The following DPP10 variants were observed in gnomAD, a reference collection of about 807,000 sequenced individuals.
DPP10 encodes the protein inactive dipeptidyl peptidase 10.
DPP10 carries 33 observed loss-of-function variants against 120.9 expected under a neutral mutation model. The ratio of observed to expected loss-of-function variants is 0.27; its 90% CI spans 0.21 to 0.37. DPP10 has a LOEUF of 0.37. Ranked by LOEUF, DPP10 falls within the 10% of genes least tolerant of loss-of-function variation. The pLI, the probability that DPP10 is intolerant of heterozygous loss-of-function variation, is 1.00. For synonymous variants in DPP10, 337 were observed against 326.1 expected, an observed-to-expected ratio of 1.03 and a Z score of -0.36; for missense variants, 816 against 942.8, an observed-to-expected ratio of 0.87 and a Z score of 1.76.
At chr2:114,804,955 G>A (rs571967821) in intron 1 of DPP10, among the ~76,000 whole-genome samples, 1 of 152,134 alleles carries the variant, frequency 6.6e-6, no homozygotes, top group African/African-American at 2.4e-5. Context: ...AATTTGAATT[G>A]TATCTCCCAG....
chr2:115,292,633 T>C (rs978838187), intron 1 of DPP10, among the ~76,000 whole-genome samples: 5 of 152,116 alleles, frequency 3.3e-5, no homozygotes, highest in African/African-American at 7.2e-5. Context: ...TTTCCTCCAA[T>C]GTGGTATGTG....
intron 7 of DPP10, among the ~76,000 whole-genome samples, chr2:115,703,404 T>C (rs973049737): frequency 6.6e-6 from 1 of 151,902 alleles, no homozygotes; most frequent in Non-Finnish European, 1.5e-5. Flanking sequence ...TCCATATATA[T>C]AGGGAGAGGG....
chr2:115,068,536 A>G (rs1707113810), intron 1 of DPP10, among the ~76,000 whole-genome samples: 1 of 152,132 alleles, frequency 6.6e-6, no homozygotes, highest in Non-Finnish European at 1.5e-5. Flanking sequence ...CATTATGCTA[A>G]TTATTTCCTT....
chr2:114,790,000 GTTA>G (rs1288141089), intron 1 of DPP10, among the ~76,000 whole-genome samples: 2 of 152,236 alleles, frequency 1.3e-5, no homozygotes, highest in African/African-American at 2.4e-5. Flanking sequence ...TGTTATGGCT[GTTA>G]TTATTGTCAG....
intron 1 of DPP10, among the ~76,000 whole-genome samples, chr2:114,741,098 A>G (rs1430451233): frequency 6.6e-6 from 1 of 152,196 alleles, no homozygotes; most frequent in Admixed American, 6.5e-5. Context: ...TGTTATAAAG[A>G]ACTTGAAGCT....
chr2:114,712,268 C>T (rs910158842), intron 1 of DPP10, among the ~76,000 whole-genome samples: 1 of 151,946 alleles, frequency 6.6e-6, no homozygotes, highest in African/African-American at 2.4e-5. Flanking sequence ...TGCAGTGAGC[C>T]GAGATCATGC....
chr2:114,500,747 A>G (rs920872215), intron 1 of DPP10, among the ~76,000 whole-genome samples: 2 of 152,224 alleles, frequency 1.3e-5, no homozygotes, highest in Non-Finnish European at 2.9e-5. Flanking sequence ...TTGATGTACT[A>G]GGAAACAAAA....
intron 4 of DPP10, among the ~76,000 whole-genome samples, chr2:115,510,568 A>G (rs1343128967): frequency 6.6e-6 from 1 of 152,130 alleles, no homozygotes; most frequent in Non-Finnish European, 1.5e-5. Context: ...TGAGACTTGT[A>G]ATCAAGATGT....
chr2:115,729,023 A>G (rs1255450611), intron 8 of DPP10, among the ~76,000 whole-genome samples: 2 of 152,238 alleles, frequency 1.3e-5, no homozygotes, highest in Non-Finnish European at 2.9e-5. Flanking sequence ...TAAGATTTTT[A>G]GAGGCTACAA....
At chr2:115,449,972 A>C (rs1303809756) in intron 3 of DPP10, among the ~76,000 whole-genome samples, 2 of 152,072 alleles carry the variant, frequency 1.3e-5, no homozygotes, top group African/African-American at 2.4e-5. Flanking sequence ...GTTTTACCCC[A>C]AAAGCCCAAG....
At chr2:115,188,017 CA>C (rs1173597107) in intron 1 of DPP10, among the ~76,000 whole-genome samples, 1 of 146,210 alleles carries the variant, frequency 6.8e-6, no homozygotes, top group Non-Finnish European at 1.5e-5. Flanking sequence ...GAGACTATTT[CA>C]AAAAAACAGA....
chr2:115,498,492 TATACAC>T (rs1432370328), intron 3 of DPP10, among the ~76,000 whole-genome samples: 2 of 151,896 alleles, frequency 1.3e-5, no homozygotes, highest in Non-Finnish European at 1.5e-5. Flanking sequence ...GATTGTAACT[TATACAC>T]ATTCATTCAC....
At chr2:114,570,941 G>T (rs896014376) in intron 1 of DPP10, among the ~76,000 whole-genome samples, 1 of 151,902 alleles carries the variant, frequency 6.6e-6, no homozygotes, top group South Asian at 2.1e-4. Flanking sequence ...TCTGTGAAAG[G>T]CTGTCATGCA....
intron 1 of DPP10, among the ~76,000 whole-genome samples, chr2:114,450,017 A>T (rs1332293796): frequency 6.6e-6 from 1 of 152,130 alleles, no homozygotes; most frequent in East Asian, 1.9e-4. Context: ...TTCAGTAAAA[A>T]AATGCAGTTA....
intron 5 of DPP10, among the ~76,000 whole-genome samples, chr2:115,603,550 C>CATT (rs1433980496): frequency 1.4e-4 from 6 of 41,770 alleles, no homozygotes; most frequent in Admixed American, 3.7e-4. Context: ...TGTGTGTTTT[C>CATT]GTTGTTGTTG....
rs568164794 is a variant in DPP10, at chr2:115,029,222, G to C, written c.61-280017G>C. Reference sequence around the variant, plus strand: ...ATTTGTTGCTTTTTATTTTAAATCTGTTTTAAATTTGTTGCTTTTTGTTTT... The same window carrying C: ...ATTTGTTGCTTTTTATTTTAAATCTCTTTTAAATTTGTTGCTTTTTGTTTT... On this transcript the variant is annotated intron_variant, in intron 1 of 25. Coordinates refer to ENST00000410059, the MANE Select transcript of DPP10 (RefSeq NM_020868.6). Among the ~76,000 whole-genome samples the C allele has an allele frequency of 4.6e-5, 7 of 151,488 alleles. No individual in the cohort carries two copies. In the South Asian group the frequency reaches 1.5e-3, roughly 31 times the overall value.
rs114399180 is a variant in DPP10 at position 115,711,000 on chromosome 2, T to C, written c.577-16816T>C. 1.5e-3 allele frequency among the ~76,000 whole-genome samples: 225 copies of C among 152,260 alleles called. 1 individual carries two copies. The highest frequency in any genetic ancestry group is 5.2e-3 in the African/African-American group (215 of 41,568). On this transcript the variant is annotated intron_variant, in intron 7 of 25. Coordinates refer to ENST00000410059, the MANE Select transcript of DPP10 (RefSeq NM_020868.6). The stretch of plus-strand genomic sequence containing the variant: ...GTAATGTGTTAGTCACTCTGGAGAA[T>C]TCAGTTGGAAAAAAATGAAAGAACT...
At position 114,834,680 on chromosome 2, in the gene DPP10, C is replaced by A; in HGVS notation, c.60+391842C>A. Among the ~76,000 whole-genome samples the A allele has an allele frequency of 1.6e-5, 2 of 125,518 alleles. 1 individual carries two copies. Among genetic ancestry groups the A allele is most frequent in the South Asian group, 5.5e-4 (2 of 3,654 alleles). 82.3% of individuals were successfully genotyped at this position (125,518 alleles called of 152,430 possible). A position where few individuals can be genotyped will look rare whatever the true frequency, so the allele number is the denominator to read the frequency against. On this transcript the variant is annotated intron_variant, in intron 1 of 25. Coordinates refer to ENST00000410059, the MANE Select transcript of DPP10 (RefSeq NM_020868.6). Reference sequence around the variant, plus strand: ...TATATATATAGGCCATATCTACACACCTATGTATATATAAGACATATCTAC... The same window carrying A: ...TATATATATAGGCCATATCTACACAACTATGTATATATAAGACATATCTAC...
At chr2:115,672,065 G>C (rs1036988106) in intron 5 of DPP10, among the ~76,000 whole-genome samples, 6 of 152,186 alleles carry the variant, frequency 3.9e-5, no homozygotes, top group Non-Finnish European at 7.3e-5. Flanking sequence ...TGACAGCTGA[G>C]AACAGTTTTC....
Sources: allele counts gnomAD v4.1 joint callset (sites outside exome capture counted in the v4.1 genomes callset), GRCh38; gene constraint gnomAD v4.1.1; transcripts MANE v1.5; gene names NCBI Gene and HGNC (gene_info 2026-07-23, HGNC 2026-07-21).